Variants in ZFAT observed in about 807,000 individuals in gnomAD.
ZFAT encodes zinc finger protein ZFAT.
In ZFAT, 64 loss-of-function variants were observed where a neutral mutation model predicts 117.7. That is an observed-to-expected ratio of 0.54 (90% confidence interval 0.44 to 0.67). The LOEUF is 0.67. Ranked by LOEUF, ZFAT falls within the 30% of genes least tolerant of loss-of-function variation. The pLI, the probability that ZFAT is intolerant of heterozygous loss-of-function variation, is 0.00. For missense variants in ZFAT, 1,433 were observed against 1,584.5 expected, an observed-to-expected ratio of 0.90 and a Z score of 1.62; for synonymous variants, 679 against 615.0, an observed-to-expected ratio of 1.10 and a Z score of -1.54.
At position 134,634,670 on chromosome 8, in the gene ZFAT, T is replaced by A. The variant is rs986679197; in HGVS notation, c.448+2791A>T. Among the ~76,000 whole-genome samples, 3 of 152,182 alleles carry A rather than the reference T, an allele frequency of 2.0e-5. No homozygotes were observed. In the East Asian group the frequency reaches 5.8e-4, roughly 29 times the overall value. ...AAATTGATAAAAACCTAAGTTTTCA[T>A]CAAGTGTACCCTGGTTGGTACAAAA... is the stretch of plus-strand genomic sequence containing the variant. On this transcript the variant is annotated intron_variant, in intron 3 of 15. Transcript: ENST00000377838.
At chr8:134,545,435 C>T (rs1001680974) in intron 11 of ZFAT, among the ~76,000 whole-genome samples, 8 of 151,880 alleles carry the variant, frequency 5.3e-5, no homozygotes, top group African/African-American at 1.9e-4. Flanking sequence ...TGAGAGGATC[C>T]CTGGAGCCCA....
chr8:134,621,177 A>T (rs948348236), intron 3 of ZFAT, among the ~76,000 whole-genome samples: 22 of 150,050 alleles, frequency 1.5e-4, no homozygotes, highest in Non-Finnish European at 2.2e-4. Context: ...ATCAAACCCC[A>T]GTGAGCTCTT....
intron 3 of ZFAT, among the ~76,000 whole-genome samples, chr8:134,617,895 C>T (rs370853209): frequency 7.9e-5 from 12 of 152,266 alleles, no homozygotes; most frequent in East Asian, 7.7e-4. Flanking sequence ...AGAATTCCCA[C>T]GAATTGTGGG....
At chr8:134,662,461 C>A (rs16905214) in intron 1 of ZFAT, among the ~76,000 whole-genome samples, 52,084 of 151,952 alleles carry the variant, frequency 0.34, 9,298 homozygotes, top group South Asian at 0.43. Flanking sequence ...CTGGATCCAG[C>A]CATGAGGAAG....
intron 11 of ZFAT, among the ~76,000 whole-genome samples, chr8:134,551,983 G>C (rs1823203403): frequency 6.6e-6 from 1 of 152,080 alleles, no homozygotes. Flanking sequence ...TAAGTTACAG[G>C]TTTTACACAA....
At chr8:134,645,323 T>C (rs1009836981) in intron 2 of ZFAT, among the ~76,000 whole-genome samples, 19 of 152,192 alleles carry the variant, frequency 1.2e-4, no homozygotes, top group African/African-American at 4.6e-4. Context: ...ACTAAGCCTC[T>C]ACAAGCCTCA....
At chr8:134,782,130 C>T in the ZFAT span, among the ~76,000 whole-genome samples, 47 of 152,258 alleles carry the variant, frequency 3.1e-4, no homozygotes, top group African/African-American at 1.1e-3. Flanking sequence ...TGTCTTGCCC[C>T]AAGCCTAAAG....
chr8:134,545,655 C>T (rs759920241), intron 11 of ZFAT, among the ~76,000 whole-genome samples: 6 of 152,160 alleles, frequency 3.9e-5, no homozygotes, highest in Admixed American at 6.5e-5. Flanking sequence ...GGTGCTTTAG[C>T]GTGTGTTTTA....
intron 1 of ZFAT, among the ~76,000 whole-genome samples, chr8:134,689,757 T>C (rs1034906565): frequency 2.6e-5 from 4 of 152,160 alleles, no homozygotes; most frequent in African/African-American, 9.7e-5. Flanking sequence ...CAGGGACGCC[T>C]CCTAGACTGG....
chr8:134,623,500 C>A (rs1829279427), intron 3 of ZFAT, among the ~76,000 whole-genome samples: 1 of 152,204 alleles, frequency 6.6e-6, no homozygotes. Context: ...TCCTCCAAAT[C>A]TGCATCTCCT....
chr8:134,560,852 C>T lies in ZFAT; in HGVS notation c.2976+4481G>A, dbSNP rs560749918. 2.6e-4 allele frequency among the ~76,000 whole-genome samples: 39 copies of T among 151,908 alleles called. 1 individual carries two copies. Among genetic ancestry groups the T allele is most frequent in the South Asian group, 8.4e-4 (4 of 4,786 alleles). On this transcript the variant is annotated intron_variant, in intron 11 of 15. Coordinates refer to ENST00000377838, the MANE Select transcript of ZFAT (RefSeq NM_020863.4). ...AAGGATTTGGAAGAAAGCAAAGAGT[C>T]GAATAGCTAGATGGAAGGAATAAGC...
chr8:134,581,877 A>G (rs1323421560), intron 10 of ZFAT, among the ~76,000 whole-genome samples: 11 of 152,212 alleles, frequency 7.2e-5, no homozygotes, highest in Admixed American at 2.6e-4. Context: ...GGCATGAGCC[A>G]CTGTGCCCGA....
At chr8:134,742,844 T>A in the ZFAT span, among the ~76,000 whole-genome samples, 1 of 152,164 alleles carries the variant, frequency 6.6e-6, no homozygotes, top group Non-Finnish European at 1.5e-5. Context: ...GAGTGGCGGT[T>A]GCAGTTAAGG....
Position 134,678,551 on chromosome 8 carries a change from C to A in ZFAT, c.20-20814G>T, listed in dbSNP as rs955263040. 8.5e-5 allele frequency among the ~76,000 whole-genome samples: 13 copies of A among 152,186 alleles called. 1 individual carries two copies. The highest frequency in any genetic ancestry group is 7.2e-4 in the Admixed American group (11 of 15,272). ...ATTTAATGCTATCCCCATCAAACTACCATTGACTCTTCACAGAATTGTAAA... is the reference window on the plus strand; with the variant it reads ...ATTTAATGCTATCCCCATCAAACTAACATTGACTCTTCACAGAATTGTAAA... On this transcript the variant is annotated intron_variant, in intron 1 of 15. Coordinates refer to ENST00000377838, the MANE Select transcript of ZFAT (RefSeq NM_020863.4).
At chr8:134,668,131 CACCACAGCTCA>C in intron 1 of ZFAT, among the ~76,000 whole-genome samples, 1 of 152,198 alleles carries the variant, frequency 6.6e-6, no homozygotes, top group Non-Finnish European at 1.5e-5. Flanking sequence ...GGGTGGAGCC[CACCACAGCTCA>C]AGGAGGCCTG....
chr8:134,727,055 C>T, the ZFAT span, among the ~76,000 whole-genome samples: 1,466 of 152,058 alleles, frequency 9.6e-3, 11 homozygotes, highest in Non-Finnish European at 0.012. Context: ...CTCATGTCTG[C>T]CTTGCTACCC....
intron 3 of ZFAT, 57 bp from the exon 4 acceptor site, chr8:134,610,712 GAGGGTAAACAC>G: frequency 6.3e-7 from 1 of 1,583,688 alleles, no homozygotes; most frequent in Non-Finnish European, 8.6e-7. Flanking sequence ...GGCAGAGTTG[GAGGGTAAACAC>G]TACTCTTTCA....
At chr8:134,587,481 C>G (rs909729114) in intron 9 of ZFAT, among the ~76,000 whole-genome samples, 1 of 152,082 alleles carries the variant, frequency 6.6e-6, no homozygotes, top group African/African-American at 2.4e-5. Context: ...ATCCTTCATC[C>G]CCCTCTACTC....
intron 11 of ZFAT, among the ~76,000 whole-genome samples, chr8:134,547,001 G>A (rs1277946641): frequency 6.6e-6 from 1 of 152,168 alleles, no homozygotes; most frequent in Admixed American, 6.5e-5. Context: ...AGCTCAAGGA[G>A]GGGACCCCAA....
Sources: allele counts gnomAD v4.1 joint callset (sites outside exome capture counted in the v4.1 genomes callset), GRCh38; gene constraint gnomAD v4.1.1; transcripts MANE v1.5; gene names NCBI Gene and HGNC (gene_info 2026-07-23, HGNC 2026-07-21).